RHBDD1: variants seen among roughly 807,000 people sequenced by gnomAD.
The protein encoded by RHBDD1 is rhomboid-related protein 4.
RHBDD1 carries 38 observed loss-of-function variants against 36.3 expected under a neutral mutation model. The observed-to-expected ratio is 1.05, with a 90% CI of 0.81 to 1.37. The LOEUF (loss-of-function observed/expected upper bound fraction) is 1.37, where lower values mean the gene tolerates loss of function less well. RHBDD1 is among the 40% of genes most tolerant of loss of function. The pLI is 0.00. For missense variants in RHBDD1, 393 were observed against 377.6 expected, an observed-to-expected ratio of 1.04 and a Z score of -0.34; for synonymous variants, 151 against 136.5, an observed-to-expected ratio of 1.11 and a Z score of -0.74.
At chr2:226,928,540 C>A (rs1051052425) in intron 8 of RHBDD1, among the ~76,000 whole-genome samples, 3 of 152,044 alleles carry the variant, frequency 2.0e-5, no homozygotes, top group Non-Finnish European at 4.4e-5. Context: ...TAAATGCCTA[C>A]ATCAGAAAGT....
upstream of RHBDD1, among the ~76,000 whole-genome samples, chr2:226,834,472 G>A (rs570850084): frequency 1.8e-4 from 28 of 152,322 alleles, no homozygotes; most frequent in Admixed American, 1.0e-3. Flanking sequence ...TAATGAACAC[G>A]TACAATTTGC....
intron 8 of RHBDD1, among the ~76,000 whole-genome samples, chr2:226,944,493 T>C (rs1216713429): frequency 6.6e-6 from 1 of 152,164 alleles, no homozygotes; most frequent in Non-Finnish European, 1.5e-5. Flanking sequence ...AGGAGCACTC[T>C]CCTTAAAAAT....
intron 8 of RHBDD1, among the ~76,000 whole-genome samples, chr2:226,992,159 A>C (rs1356546891): frequency 3.9e-5 from 6 of 152,246 alleles, no homozygotes; most frequent in Admixed American, 6.5e-5. Context: ...AATTTGACAC[A>C]TGAATGCAAA....
the RHBDD1 span, among the ~76,000 whole-genome samples, chr2:226,820,519 T>C: frequency 6.6e-5 from 10 of 151,930 alleles, no homozygotes; most frequent in East Asian, 1.7e-3. Flanking sequence ...AAAAATTAAC[T>C]TTTACAGGCC....
intron 1 of RHBDD1, among the ~76,000 whole-genome samples, chr2:226,836,737 C>T (rs1559175933): frequency 1.3e-5 from 2 of 152,172 alleles, no homozygotes; most frequent in African/African-American, 4.8e-5. Flanking sequence ...GTTTGGGTCT[C>T]TGCAGTACAC....
At chr2:226,984,236 G>A (rs1204359159) in intron 8 of RHBDD1, among the ~76,000 whole-genome samples, 1 of 152,208 alleles carries the variant, frequency 6.6e-6, no homozygotes, top group African/African-American at 2.4e-5. Flanking sequence ...GTCAGTTTAG[G>A]CCACCTTAAC....
intron 8 of RHBDD1, among the ~76,000 whole-genome samples, chr2:226,977,507 C>T (rs1954820255): frequency 6.6e-6 from 1 of 152,180 alleles, no homozygotes. Context: ...CACAATGCAG[C>T]AATTACAATG....
At chr2:226,914,835 G>A (rs761323445) in intron 8 of RHBDD1, among the ~76,000 whole-genome samples, 7 of 152,020 alleles carry the variant, frequency 4.6e-5, no homozygotes, top group Non-Finnish European at 1.0e-4. Context: ...TTTGTGTTTT[G>A]AACAGGCTTT....
chr2:226,869,163 A>G, intron 5 of RHBDD1: 1 of 984,842 alleles, frequency 1.0e-6, no homozygotes, highest in South Asian at 4.7e-5. Context: ...ACTTACATGG[A>G]AAAGGGATGG....
chr2:226,952,378 AC>A (rs1178805037), intron 8 of RHBDD1, among the ~76,000 whole-genome samples: 3 of 147,020 alleles, frequency 2.0e-5, no homozygotes, highest in Non-Finnish European at 4.5e-5. Flanking sequence ...GCCCAGTACA[AC>A]TTCTGCCTCC....
chr2:226,996,714 G>A lies in RHBDD1; in HGVS notation c.*1192G>A, dbSNP rs1959429197. 2 of 152,200 alleles carry A rather than the reference G, an allele frequency of 1.3e-5. No individual in the cohort carries two copies. Among genetic ancestry groups the A allele is most frequent in the African/African-American group, 4.8e-5 (2 of 41,456 alleles). 9.4% of individuals were successfully genotyped at this position (152,200 alleles called of 1,614,324 possible). The stretch of plus-strand genomic sequence containing the variant: ...AAATCTTAGCAGGGGTTATCTTTGG[G>A]AGTGGAGTACATGGGATTTTGCTTT... On this transcript the variant is annotated 3_prime_UTR_variant, in exon 9 of 9. Transcript: ENST00000392062.
At chr2:226,904,733 A>C (rs1575037909) in intron 5 of RHBDD1, among the ~76,000 whole-genome samples, 1 of 152,170 alleles carries the variant, frequency 6.6e-6, no homozygotes, top group Admixed American at 6.5e-5. Flanking sequence ...GCTTGGAGAC[A>C]AAGAAAATTA....
At chr2:226,891,731 A>G (rs1946705611) in intron 5 of RHBDD1, among the ~76,000 whole-genome samples, 1 of 152,194 alleles carries the variant, frequency 6.6e-6, no homozygotes, top group Admixed American at 6.5e-5. Context: ...AAACCCTAGA[A>G]ATAAACTCTG....
At chr2:226,827,043 C>T in the RHBDD1 span, among the ~76,000 whole-genome samples, 4 of 152,172 alleles carry the variant, frequency 2.6e-5, no homozygotes, top group African/African-American at 7.2e-5. Flanking sequence ...ACTGTGGCCT[C>T]GGCCTCCTGG....
intron 8 of RHBDD1, among the ~76,000 whole-genome samples, chr2:226,929,306 A>G (rs1243624949): frequency 6.6e-6 from 1 of 152,004 alleles, no homozygotes; most frequent in Admixed American, 6.6e-5. Flanking sequence ...TTTACCATGA[A>G]CAAATGAGTG....
chr2:226,988,806 A>G (rs1359450641), intron 8 of RHBDD1: 2 of 676,950 alleles, frequency 3.0e-6, no homozygotes, highest in Non-Finnish European at 1.8e-6. Flanking sequence ...AAAATACTTG[A>G]GAGTTAACTA....
chr2:226,869,855 G>T (rs1300183987), intron 5 of RHBDD1, among the ~76,000 whole-genome samples: 4 of 152,186 alleles, frequency 2.6e-5, no homozygotes, highest in African/African-American at 9.7e-5. Flanking sequence ...GTCTGAAGGG[G>T]TGTCCCAGGA....
At chr2:226,855,827 A>G (rs1943267775) in intron 3 of RHBDD1, among the ~76,000 whole-genome samples, 1 of 152,156 alleles carries the variant, frequency 6.6e-6, no homozygotes, top group African/African-American at 2.4e-5. Context: ...TCCTAATATA[A>G]TTTGATTCCA....
At chr2:226,980,273 T>G (rs1423551777) in intron 8 of RHBDD1, among the ~76,000 whole-genome samples, 3 of 152,128 alleles carry the variant, frequency 2.0e-5, no homozygotes, top group African/African-American at 2.4e-5. Flanking sequence ...GTATTCAACC[T>G]CAGCTCTTTC....
Sources: allele counts gnomAD v4.1 joint callset (sites outside exome capture counted in the v4.1 genomes callset), GRCh38; gene constraint gnomAD v4.1.1; transcripts MANE v1.5; gene names NCBI Gene and HGNC (gene_info 2026-07-23, HGNC 2026-07-21).